TBC1D5: variants seen among roughly 807,000 people sequenced by gnomAD.
The protein encoded by TBC1D5 is TBC1 domain family, member 5.
A neutral mutation model predicts 100.3 loss-of-function variants in TBC1D5; 75 were observed. The observed-to-expected ratio is 0.75, with a 90% confidence interval of 0.62 to 0.91. TBC1D5 has a LOEUF of 0.91. Ranked by LOEUF, TBC1D5 falls within the 40% of genes least tolerant of loss-of-function variation. The pLI, the probability that TBC1D5 is intolerant of heterozygous loss-of-function variation, is 0.00. For synonymous variants in TBC1D5, 323 were observed against 325.6 expected (o/e 0.99, Z 0.09); for missense variants, 910 against 942.4 (o/e 0.97, Z 0.45).
At chr3:17,286,325 T>C (rs2081184769) in intron 15 of TBC1D5, among the ~76,000 whole-genome samples, 1 of 152,228 alleles carries the variant, frequency 6.6e-6, no homozygotes, top group Non-Finnish European at 1.5e-5. Context: ...GGAAAGAACA[T>C]CTGGTTATTT....
Position 17,727,244 on chromosome 3 carries a change from G to A in TBC1D5, c.-101+12099C>T, listed in dbSNP as rs548330669. The stretch of plus-strand genomic sequence containing the variant: ...AAAAATACAAAAATTAGCTGGGCAC[G>A]GTGGCGCATGCCTGTAATCCCAGCT... On this transcript the variant is annotated intron_variant, in intron 1 of 21. Transcript: ENST00000253692. Among the ~76,000 whole-genome samples, 37 of 152,268 alleles carry A rather than the reference G, an allele frequency of 2.4e-4. No individual in the cohort carries two copies. The South Asian group carries it at 4.8e-3, about 20-fold the overall frequency.
chr3:17,322,327 G>T (rs905783494), intron 13 of TBC1D5, among the ~76,000 whole-genome samples: 25 of 152,122 alleles, frequency 1.6e-4, no homozygotes, highest in Admixed American at 1.6e-3. Flanking sequence ...TGATTTTCTT[G>T]TAATAGAATA....
At chr3:17,526,137 G>A (rs1464701894) in intron 2 of TBC1D5, among the ~76,000 whole-genome samples, 1 of 152,092 alleles carries the variant, frequency 6.6e-6, no homozygotes, top group Non-Finnish European at 1.5e-5. Context: ...AAAAACCCTA[G>A]AATATACCAG....
intron 16 of TBC1D5, among the ~76,000 whole-genome samples, chr3:17,254,140 G>A (rs377194716): frequency 5.3e-5 from 8 of 152,064 alleles, no homozygotes; most frequent in African/African-American, 1.2e-4. Context: ...CCAGATTTGG[G>A]GTATTATGAA....
At chr3:17,252,239 A>C (rs936774681) in intron 16 of TBC1D5, among the ~76,000 whole-genome samples, 1 of 152,190 alleles carries the variant, frequency 6.6e-6, no homozygotes, top group Non-Finnish European at 1.5e-5. Context: ...AAGCAATTTT[A>C]CACAACCAAA....
At chr3:17,364,952 A>G (rs2092010264) in intron 13 of TBC1D5, among the ~76,000 whole-genome samples, 1 of 152,200 alleles carries the variant, frequency 6.6e-6, no homozygotes, top group Non-Finnish European at 1.5e-5. Flanking sequence ...ATCTTTTATG[A>G]GCATTTTTTA....
At chr3:17,314,511 T>C (rs773806502) in intron 13 of TBC1D5, among the ~76,000 whole-genome samples, 16 of 152,164 alleles carry the variant, frequency 1.1e-4, no homozygotes, top group Admixed American at 2.0e-4. Flanking sequence ...GTTCCCTGCA[T>C]GCCCATACCT....
At chr3:17,330,130 CA>C (rs1005560858) in intron 13 of TBC1D5, among the ~76,000 whole-genome samples, 1 of 152,110 alleles carries the variant, frequency 6.6e-6, no homozygotes, top group African/African-American at 2.4e-5. Flanking sequence ...TCTAGTTCCT[CA>C]ATCTCCTCAA....
intron 2 of TBC1D5, among the ~76,000 whole-genome samples, chr3:17,513,116 G>A (rs1305069602): frequency 5.9e-5 from 9 of 151,980 alleles, no homozygotes; most frequent in African/African-American, 2.2e-4. Flanking sequence ...GGCAGATCAC[G>A]AGGTCAGGAG....
intron 1 of TBC1D5, among the ~76,000 whole-genome samples, chr3:17,695,226 G>A (rs1313603523): frequency 1.3e-5 from 2 of 152,070 alleles, no homozygotes; most frequent in East Asian, 3.8e-4. Flanking sequence ...ATAATGACAG[G>A]ATCAAATTCA....
chr3:17,438,057 A>T (rs1413546569), intron 3 of TBC1D5, among the ~76,000 whole-genome samples: 2 of 152,148 alleles, frequency 1.3e-5, no homozygotes, highest in Non-Finnish European at 2.9e-5. Context: ...TTATTAGGGG[A>T]GGGTGCAGGC....
intron 1 of TBC1D5, among the ~76,000 whole-genome samples, chr3:17,726,778 G>C (rs2076161486): frequency 6.6e-6 from 1 of 152,028 alleles, no homozygotes. Flanking sequence ...AAATTACTTT[G>C]TCTATGTAAA....
At position 17,300,444 on chromosome 3, in the gene TBC1D5, A is replaced by G. The variant is rs548561553; in HGVS notation, c.1138+7548T>C. Among the ~76,000 whole-genome samples, 3 of 152,352 alleles carry G rather than the reference A, an allele frequency of 2.0e-5. No homozygotes were observed. The South Asian group carries it at 6.2e-4, about 32-fold the overall frequency. ...GAACATGCTGTTAACTAGAAAATAGAGAAATAGAAATTCTGGGTTAGGACA... is the reference window on the plus strand; with the variant it reads ...GAACATGCTGTTAACTAGAAAATAGGGAAATAGAAATTCTGGGTTAGGACA... On this transcript the variant is annotated intron_variant, in intron 14 of 21. Transcript: ENST00000253692.
intron 3 of TBC1D5, among the ~76,000 whole-genome samples, chr3:17,492,686 T>G (rs894821887): frequency 6.6e-6 from 1 of 152,164 alleles, no homozygotes; most frequent in Non-Finnish European, 1.5e-5. Flanking sequence ...TCTGTCAACT[T>G]TGGCCTCCCA....
chr3:17,588,235 C>T (rs1021172971), intron 2 of TBC1D5, among the ~76,000 whole-genome samples: 4 of 141,242 alleles, frequency 2.8e-5, no homozygotes, highest in South Asian at 2.2e-4. Flanking sequence ...GACATACCAT[C>T]AGAGAAACCA....
At chr3:17,684,462 A>G (rs532237743) in intron 1 of TBC1D5, among the ~76,000 whole-genome samples, 7 of 152,234 alleles carry the variant, frequency 4.6e-5, no homozygotes, top group African/African-American at 1.7e-4. Flanking sequence ...TGAAAACTGT[A>G]AAGTACATAC....
At chr3:17,482,632 G>C (rs1189386284) in intron 3 of TBC1D5, among the ~76,000 whole-genome samples, 1 of 152,166 alleles carries the variant, frequency 6.6e-6, no homozygotes, top group African/African-American at 2.4e-5. Flanking sequence ...TAAAAACTAA[G>C]TTGGTCTTTA....
At chr3:17,377,551 T>C (rs2092758509) in intron 9 of TBC1D5, among the ~76,000 whole-genome samples, 2 of 151,940 alleles carry the variant, frequency 1.3e-5, no homozygotes, top group Non-Finnish European at 2.9e-5. Flanking sequence ...TGCTCTTTTA[T>C]AAAAAGACAA....
At chr3:17,339,513 G>A (rs2088512281) in intron 13 of TBC1D5, among the ~76,000 whole-genome samples, 1 of 152,218 alleles carries the variant, frequency 6.6e-6, no homozygotes, top group South Asian at 2.1e-4. Context: ...AGTGACATGT[G>A]TGTTTAAACA....
Sources: allele counts gnomAD v4.1 joint callset (sites outside exome capture counted in the v4.1 genomes callset), GRCh38; gene constraint gnomAD v4.1.1; transcripts MANE v1.5; gene names NCBI Gene and HGNC (gene_info 2026-07-23, HGNC 2026-07-21).